Variants in DNAH1 observed in about 807,000 individuals in gnomAD.
DNAH1 encodes the protein axonemal beta dynein heavy chain 1.
A neutral mutation model predicts 484.3 loss-of-function variants in DNAH1; 327 were observed. The observed-to-expected ratio is 0.68, with a 90% CI of 0.62 to 0.74. The LOEUF (loss-of-function observed/expected upper bound fraction) is 0.74, where lower values mean the gene tolerates loss of function less well. DNAH1 is among the 30% of genes least tolerant of loss of function. DNAH1 has a pLI of 0.00. For missense variants in DNAH1, 5,052 were observed against 5,546.8 expected, an observed-to-expected ratio of 0.91 and a Z score of 2.83; for synonymous variants, 2,192 against 2,191.9, an observed-to-expected ratio of 1.00 and a Z score of 0.00.
At chr3:52,385,911 C>G (rs1283708251) in intron 54 of DNAH1, among the ~76,000 whole-genome samples, 1 of 152,226 alleles carries the variant, frequency 6.6e-6, no homozygotes, top group African/African-American at 2.4e-5. Flanking sequence ...CATGAAGGTG[C>G]CTGCAGGCTT....
At chr3:52,383,029 C>G (rs918337373) in intron 50 of DNAH1, among the ~76,000 whole-genome samples, 1 of 152,218 alleles carries the variant, frequency 6.6e-6, no homozygotes, top group African/African-American at 2.4e-5. Context: ...TGCCATCTAA[C>G]ACAAGCCAGG....
chr3:52,326,840 A>G lies in DNAH1; in HGVS notation c.687A>G (p.Gln229=). The change falls in exon 5 of 78, where the codon CAA becomes CAG. Residue 229 remains glutamine (Q), a synonymous_variant. Coordinates refer to ENST00000420323, the MANE Select transcript of DNAH1 (RefSeq NM_015512.5). The stretch of plus-strand genomic sequence containing the variant: ...GGCACCTGGACCACCAGCACCCCCA[A>G]ACCATCGAACAGGGCCATGACCCAA... The part of the protein sequence containing the change: ...MPRHLDHQHP[Q]TIEQGHDPIF... The G allele has an allele frequency of 1.2e-6, 2 of 1,613,452 alleles. No individual in the cohort carries two copies. The highest frequency in any genetic ancestry group is 1.7e-6 in the Non-Finnish European group (2 of 1,179,692).
chr3:52,316,972 T>TA (rs1234030552), intron 1 of DNAH1, among the ~76,000 whole-genome samples: 1 of 152,188 alleles, frequency 6.6e-6, no homozygotes, highest in Non-Finnish European at 1.5e-5. Context: ...TTCTTTCCCT[T>TA]ACAGAAAAAA....
intron 56 of DNAH1, among the ~76,000 whole-genome samples, chr3:52,387,167 C>G (rs907772906): frequency 1.3e-5 from 2 of 152,204 alleles, no homozygotes; most frequent in Non-Finnish European, 2.9e-5. Flanking sequence ...CATGGTCATT[C>G]CAAGTCTCCA....
At chr3:52,322,923 C>T (rs1444860636) in intron 2 of DNAH1, 148 bp downstream of exon 2, 2 of 740,414 alleles carry the variant, frequency 2.7e-6, no homozygotes, top group Non-Finnish European at 4.5e-6. Context: ...CCATCTACCC[C>T]CTATTATCCC....
chr3:52,378,539 A>T, intron 46 of DNAH1, 63 bp from the exon 47 acceptor site: 7 of 1,555,646 alleles, frequency 4.5e-6, no homozygotes, highest in Non-Finnish European at 6.2e-6. Context: ...GGAGGTCAGG[A>T]CCTGCAGAGG....
intron 44 of DNAH1, chr3:52,374,530 T>C: frequency 2.0e-6 from 3 of 1,493,016 alleles, no homozygotes; most frequent in South Asian, 1.1e-5. Flanking sequence ...GTGAAGACCA[T>C]GGAGCCCCTC....
chr3:52,383,620 G>A (rs371386443), intron 51 of DNAH1, 26 bp downstream of exon 51: 9 of 1,534,774 alleles, frequency 5.9e-6, no homozygotes, highest in African/African-American at 5.5e-5. Flanking sequence ...GCCAGGCTGC[G>A]CTGGGGCAGC....
intron 48 of DNAH1, among the ~76,000 whole-genome samples, chr3:52,380,482 T>G (rs1347085687): frequency 6.6e-6 from 1 of 152,192 alleles, no homozygotes; most frequent in Non-Finnish European, 1.5e-5. Context: ...GTGGCCCCAG[T>G]GCTGCATGGC....
intron 8 of DNAH1, among the ~76,000 whole-genome samples, chr3:52,341,530 C>CTTTTTTTTT (rs55645528): frequency 2.0e-5 from 2 of 101,174 alleles, no homozygotes; most frequent in Non-Finnish European, 3.9e-5. Flanking sequence ...TTGACTTTGA[C>CTTTTTTTTT]TTTTTTTTTT....
At chr3:52,391,739 T>C in intron 63 of DNAH1, 136 bp downstream of exon 63, 1 of 1,052,432 alleles carries the variant, frequency 9.5e-7, no homozygotes, top group Non-Finnish European at 1.4e-6. Context: ...CCCCAGGCAC[T>C]CACATTCGAA....
At chr3:52,366,097 T>C (rs1390924037) in intron 34 of DNAH1, among the ~76,000 whole-genome samples, 3 of 152,206 alleles carry the variant, frequency 2.0e-5, no homozygotes, top group Non-Finnish European at 4.4e-5. Context: ...AGTTTGCTCA[T>C]AGGAGTCAGC....
chr3:52,392,585 G>A lies in DNAH1; in HGVS notation c.10174G>A (p.Asp3392Asn). 1 of 1,613,984 alleles carries A rather than the reference G, an allele frequency of 6.2e-7. No homozygotes were observed. Among genetic ancestry groups the A allele is most frequent in the Non-Finnish European group, 8.5e-7 (1 of 1,179,874 alleles). ...GCGCCAGGAGCTGAAGGACATTGAG[G>A]ACCAGATCCTGTACCGGCTCAGCTC... ...KMRQELKDIE[D>N]QILYRLSSSE... The change falls in exon 64 of 78, where the codon GAC becomes AAC. Residue 3392 changes from aspartate to asparagine, a missense_variant. By Grantham distance (23) the Asp-to-Asn change is conservative. Transcript: ENST00000420323.
Position 52,316,445 on chromosome 3 carries a change from C to A in DNAH1, c.-135C>A, listed in dbSNP as rs1159210584. 6.6e-6 allele frequency: 1 copy of A among 152,292 alleles called. No homozygotes were observed. Among genetic ancestry groups the A allele is most frequent in the Non-Finnish European group, 1.5e-5 (1 of 68,088 alleles). The allele number at this position is 152,292 out of a possible 1,614,324, so 9.4% of individuals were successfully genotyped here. ...CCAGTTCCCCTCACAGTCCTTTCTT[C>A]CTTCTGCAGTGATCACTGAGTACCT... On this transcript the variant is annotated 5_prime_UTR_variant, in exon 1 of 78. Transcript: ENST00000420323.
chr3:52,311,301 CG>C, the DNAH1 span, among the ~76,000 whole-genome samples: 2 of 152,228 alleles, frequency 1.3e-5, no homozygotes, highest in South Asian at 4.1e-4. Context: ...TGACCGGGAC[CG>C]GGGCCTAGCT....
intron 8 of DNAH1, among the ~76,000 whole-genome samples, chr3:52,338,990 T>C (rs1701832570): frequency 6.6e-6 from 1 of 151,986 alleles, no homozygotes; most frequent in African/African-American, 2.4e-5. Context: ...GCTGAGTTTG[T>C]GCCACTGCAC....
At chr3:52,352,450 G>A in intron 17 of DNAH1, 102 bp from the exon 18 acceptor site, 6 of 1,464,154 alleles carry the variant, frequency 4.1e-6, no homozygotes, top group Non-Finnish European at 5.5e-6. Flanking sequence ...GAACTCGGAG[G>A]AGTGGACGTC....
intron 8 of DNAH1, among the ~76,000 whole-genome samples, chr3:52,343,868 C>CGAGT (rs910934445): frequency 6.6e-5 from 10 of 152,142 alleles, no homozygotes; most frequent in South Asian, 4.2e-4. Context: ...AGTGAGTGAG[C>CGAGT]GAGTGAGTGA....
intron 70 of DNAH1, 44 bp from the exon 71 acceptor site, chr3:52,396,323 CA>C (rs1704622130): frequency 6.5e-7 from 1 of 1,536,792 alleles, no homozygotes; most frequent in Admixed American, 2.0e-5. Context: ...TCAGGGTGGC[CA>C]CCAGATATGG....
Sources: gnomAD v4.1 joint callset for allele counts (sites outside exome capture counted in the v4.1 genomes callset) on GRCh38, gnomAD v4.1.1 for gene constraint, MANE v1.5 for transcripts, NCBI Gene and HGNC (gene_info 2026-07-23, HGNC 2026-07-21) for gene names.